The following FEZF1 variants were observed in gnomAD, a reference collection of about 807,000 sequenced individuals.
The protein encoded by FEZF1 is FEZ family zinc finger 1.
Under a neutral mutation model 32.4 loss-of-function variants are expected in FEZF1, and 8 were observed. That is an observed-to-expected ratio of 0.25 (90% CI 0.15 to 0.45). The LOEUF (loss-of-function observed/expected upper bound fraction) is 0.45, where lower values mean the gene tolerates loss of function less well. Ranked by LOEUF, FEZF1 falls within the 20% of genes least tolerant of loss-of-function variation. FEZF1 has a pLI of 1.00. For missense variants in FEZF1, 546 were observed against 622.3 expected (o/e 0.88, Z 1.31); for synonymous variants, 259 against 265.2 (o/e 0.98, Z 0.23).
rs989543331 is a variant in FEZF1, at chr7:122,304,355, G to T, written c.83C>A (p.Pro28His). ...ARGNMMSTSK[P>H]LAFSIERIMA... is the part of the protein sequence containing the mutation. Reference sequence around the variant, plus strand: ...GATTCGTTCAATGGAGAAAGCCAAGGGTTTGGACGTGCTCATCATGTTGCC... The same window carrying T: ...GATTCGTTCAATGGAGAAAGCCAAGTGTTTGGACGTGCTCATCATGTTGCC... Residue 28 changes from proline to histidine, a missense_variant, in exon 1 of 4, where the codon CCC becomes CAC. This residue lies in a region of FEZF1 where 345 missense variants were observed against 360.6 expected (regional missense o/e 0.96). Transcript: ENST00000442488. The T allele has an allele frequency of 4.4e-6, 7 of 1,608,930 alleles. No homozygotes were observed. The highest frequency in any genetic ancestry group is 5.9e-6 in the Non-Finnish European group (7 of 1,176,724).
Position 122,304,519 on chromosome 7 carries a change from G to T in FEZF1, c.-82C>A, listed in dbSNP as rs549586930. ...TCCCTGCTTGTCACAGACCTGCGGA[G>T]AGGGGGACGGGCACCATCACCACCA... On this transcript the variant is annotated 5_prime_UTR_variant, in exon 1 of 4. Transcript: ENST00000442488. 1.6e-6 allele frequency: 2 copies of T among 1,241,436 alleles called. No homozygotes were observed. The allele number at this position is 1,241,436 out of a possible 1,614,324, so 76.9% of individuals were successfully genotyped here. A position where few individuals can be genotyped will look rare whatever the true frequency, so the allele number is the denominator to read the frequency against.
At position 122,304,231 on chromosome 7, in the gene FEZF1, C is replaced by T; in HGVS notation, c.207G>A (p.Ser69=). The T allele has an allele frequency of 6.3e-7, 1 of 1,596,804 alleles. No individual in the cohort carries two copies. Among genetic ancestry groups the T allele is most frequent in the Non-Finnish European group, 8.6e-7 (1 of 1,169,412 alleles). ...GEPKHSLHLN[S]SIPCMIPFVP... ...CGAAGGGGATCATGCAGGGGATCGA[C>T]GAGTTGAGATGCAGAGAGTGCTTGG... The change falls in exon 1 of 4, where the codon TCG becomes TCA. Residue 69 remains serine, a synonymous_variant. Coordinates refer to ENST00000442488, the MANE Select transcript of FEZF1 (RefSeq NM_001024613.4).
chr7:122,304,153 C>A lies in FEZF1; in HGVS notation c.285G>T (p.Pro95=). 3 of 1,602,078 alleles carry A rather than the reference C, an allele frequency of 1.9e-6. No individual in the cohort carries two copies. The highest frequency in any genetic ancestry group is 2.6e-6 in the Non-Finnish European group (3 of 1,172,894). The change falls in exon 1 of 4, where the codon CCG becomes CCT. Residue 95 remains proline, a synonymous_variant. Coordinates refer to ENST00000442488, the MANE Select transcript of FEZF1 (RefSeq NM_001024613.4). ...CCGGGGCCTCCAGACTGGCCTTCCG[C>A]GGCTCGGAGCCCGTCACTCCTGCCT... ...SPKAGVTGSE[P]RKASLEAPAA...
chr7:122,303,255 T>C lies in FEZF1; in HGVS notation c.858A>G (p.Arg286=). ...TRHMPVHTGA[R]PFVCKVCGKG... The stretch of plus-strand genomic sequence containing the variant: ...TTCCGCACACTTTGCAAACGAAGGG[T>C]CTGGCTCCTGTGTGCACTGGCATGT... The change falls in exon 2 of 4, where the codon AGA becomes AGG. Residue 286 remains arginine, a synonymous_variant. Transcript: ENST00000442488. 6.2e-7 allele frequency: 1 copy of C among 1,614,116 alleles called. No individual in the cohort carries two copies. Among genetic ancestry groups the C allele is most frequent in the Non-Finnish European group, 8.5e-7 (1 of 1,180,028 alleles).
rs771299112 is a variant in FEZF1, at chr7:122,302,036, C to T, written c.1389G>A (p.Pro463=). 11 of 1,601,312 alleles carry T rather than the reference C, an allele frequency of 6.9e-6. No individual in the cohort carries two copies. The highest frequency in any genetic ancestry group is 1.1e-5 in the South Asian group (1 of 90,906). ...LPPLQPPLPT[P]GPLQPGLHQG... is the part of the protein sequence containing the mutation. ...GGTGGAGCCCGGGCTGCAGGGGCCC[C>T]GGGGTTGGCAGCGGCGGCTGCAGAG... The change falls in exon 4 of 4, where the codon CCG becomes CCA. Residue 463 remains proline, a synonymous_variant. Transcript: ENST00000442488. The surrounding 1 kb of genome is among the most constrained non-coding windows in gnomAD (Gnocchi z 4.4).
upstream of FEZF1, chr7:122,306,823 G>C (rs1305109660): frequency 6.6e-6 from 1 of 152,386 alleles, no homozygotes; most frequent in Non-Finnish European, 1.5e-5. Context: ...GCCTCGAGGT[G>C]GCTTCAGGCT....
rs1319621421 is a variant in FEZF1, at chr7:122,304,036, G to A, written c.402C>T (p.Asp134=). 7 of 1,559,674 alleles carry A rather than the reference G, an allele frequency of 4.5e-6. No individual in the cohort carries two copies. Among genetic ancestry groups the A allele is most frequent in the Non-Finnish European group, 6.1e-6 (7 of 1,154,148 alleles). ...ALSLKGDLAR[D]ALPLQQYKLV... is the part of the protein sequence containing the mutation. ...GCTTGTACTGCTGCAGCGGCAGCGC[G>A]TCGCGGGCCAGGTCGCCCTTGAGAC... Residue 134 remains aspartate (D), a synonymous_variant, in exon 1 of 4, where the codon GAC becomes GAT. Coordinates refer to ENST00000442488, the MANE Select transcript of FEZF1 (RefSeq NM_001024613.4).
In FEZF1 at chr7:122,302,340, T is replaced by C; in HGVS notation, c.1085A>G (p.His362Arg). 6.2e-7 allele frequency: 1 copy of C among 1,613,938 alleles called. No individual in the cohort carries two copies. The highest frequency in any genetic ancestry group is 8.5e-7 in the Non-Finnish European group (1 of 1,179,976). The change falls in exon 4 of 4, where the codon CAC becomes CGC. Residue 362 changes from histidine to arginine, a missense_variant. Physicochemically the swap from His to Arg is conservative, Grantham distance 29. This residue lies in a region of FEZF1 where 118 missense variants were observed against 188.7 expected (regional missense o/e 0.63). Transcript: ENST00000442488. The surrounding 1 kb of genome is among the most constrained non-coding windows in gnomAD (Gnocchi z 4.4). Reference sequence around the variant, plus strand: ...CTTCTCCCCGCTGTGGGTCAACTTGTGGTTTTTGTAATTCCCTGAAACACA... The same window carrying C: ...CTTCTCCCCGCTGTGGGTCAACTTGCGGTTTTTGTAATTCCCTGAAACACA... ...GFHQKGNYKN[H>R]KLTHSGEKQF... is the part of the protein sequence containing the mutation.
rs966589938 is a variant in FEZF1, at chr7:122,302,502, C to T, written c.1070-147G>A. ...TGCAGGGCTACTATCTGTGCCTGCA[C>T]TTGTCTCCCCAAGTTTATTTTCAAG... On this transcript the variant is annotated intron_variant, in intron 3 of 3. Coordinates refer to ENST00000442488, the MANE Select transcript of FEZF1 (RefSeq NM_001024613.4). The surrounding 1 kb of genome is among the most constrained non-coding windows in gnomAD (Gnocchi z 4.4). 7.9e-6 allele frequency: 10 copies of T among 1,268,446 alleles called. No individual in the cohort carries two copies. The highest frequency in any genetic ancestry group is 1.1e-5 in the Non-Finnish European group (10 of 928,936). 78.6% of individuals were successfully genotyped at this position (1,268,446 alleles called of 1,614,324 possible).
chr7:122,308,874 C>A (rs766760264), upstream of FEZF1, among the ~76,000 whole-genome samples: 1 of 151,884 alleles, frequency 6.6e-6, no homozygotes, highest in Non-Finnish European at 1.5e-5. Flanking sequence ...CCCACCCCAG[C>A]CTTGACATTC....
chr7:122,304,274 G>C lies in FEZF1; in HGVS notation c.164C>G (p.Ala55Gly), dbSNP rs376162528. The C allele has an allele frequency of 1.6e-5, 25 of 1,610,592 alleles. No homozygotes were observed. The highest frequency in any genetic ancestry group is 2.1e-5 in the Non-Finnish European group (25 of 1,178,084). ...GTGCTTGGGTTCCCCCTTGGGTAAG[G>C]CTCCCTGCAGGAAGTGGGGGACTGG... The part of the protein sequence containing the change: ...ALPVPHFLQG[A>G]LPKGEPKHSL... The change falls in exon 1 of 4, where the codon GCC becomes GGC. Residue 55 changes from alanine (A) to glycine (G), a missense_variant. Coordinates refer to ENST00000442488, the MANE Select transcript of FEZF1 (RefSeq NM_001024613.4).
chr7:122,304,525 G>T lies in FEZF1; in HGVS notation c.-88C>A. On this transcript the variant is annotated 5_prime_UTR_variant, in exon 1 of 4. Transcript: ENST00000442488. Reference sequence around the variant, plus strand: ...CTTGTCACAGACCTGCGGAGAGGGGGACGGGCACCATCACCACCAGTAGCC... The same window carrying T: ...CTTGTCACAGACCTGCGGAGAGGGGTACGGGCACCATCACCACCAGTAGCC... The T allele has an allele frequency of 2.6e-6, 3 of 1,175,772 alleles. No homozygotes were observed. Among genetic ancestry groups the T allele is most frequent in the Non-Finnish European group, 3.5e-6 (3 of 855,880 alleles). 72.8% of individuals were successfully genotyped at this position (1,175,772 alleles called of 1,614,324 possible). A position where few individuals can be genotyped will look rare whatever the true frequency, so the allele number is the denominator to read the frequency against.
At chr7:122,306,718 T>C (rs1177895419), upstream of FEZF1, 2 of 151,988 alleles carry the variant, frequency 1.3e-5, no homozygotes, top group African/African-American at 4.8e-5. Flanking sequence ...TGAGTCTTAT[T>C]GGAAGTTGAG....
chr7:122,307,418 A>C (rs1416554537), upstream of FEZF1: 1 of 152,394 alleles, frequency 6.6e-6, no homozygotes, highest in African/African-American at 2.4e-5. Context: ...GCTGACTTGT[A>C]CACAATTCGC....
Position 122,303,946 on chromosome 7 carries a change from G to C in FEZF1, c.492C>G (p.Asn164Lys). 6.2e-7 allele frequency: 1 copy of C among 1,605,374 alleles called. No individual in the cohort carries two copies. The highest frequency in any genetic ancestry group is 8.5e-7 in the Non-Finnish European group (1 of 1,175,724). ...CCGGGTGGCATGGGCCGTCACCTCG[G>C]TTCAGGTAGCACAAGGCGCCCATGG... ...FHAMGALCYL[N>K]RGDGPCHPAA... Residue 164 changes from asparagine (N) to lysine (K), a missense_variant, in exon 1 of 4, where the codon AAC becomes AAG. Transcript: ENST00000442488.
At chr7:122,306,011 A>G (rs1262693514), upstream of FEZF1, 1 of 152,278 alleles carries the variant, frequency 6.6e-6, no homozygotes, top group African/African-American at 2.4e-5. Flanking sequence ...CGCCCAGGCA[A>G]GAGCGTCCAG....
At position 122,302,425 on chromosome 7, in the gene FEZF1, G is replaced by T; in HGVS notation, c.1070-70C>A. 1 of 1,591,802 alleles carries T rather than the reference G, an allele frequency of 6.3e-7. No homozygotes were observed. The highest frequency in any genetic ancestry group is 1.1e-5 in the South Asian group (1 of 88,580). ...AGCTTAAAAAGGGAGGAGCAGACAC[G>T]TGGAAGGTAGCGCCAGGCAAGCAGA... On this transcript the variant is annotated intron_variant, in intron 3 of 3. Coordinates refer to ENST00000442488, the MANE Select transcript of FEZF1 (RefSeq NM_001024613.4). The surrounding 1 kb of genome is among the most constrained non-coding windows in gnomAD (Gnocchi z 4.4).
upstream of FEZF1, chr7:122,306,565 G>C (rs989250880): frequency 1.3e-5 from 2 of 152,250 alleles, no homozygotes; most frequent in African/African-American, 4.8e-5. Flanking sequence ...GCGAAAATCA[G>C]TTCCGCCTCT....
chr7:122,307,677 A>G (rs2031322320), upstream of FEZF1, among the ~76,000 whole-genome samples: 1 of 152,290 alleles, frequency 6.6e-6, no homozygotes, highest in Admixed American at 6.5e-5. Context: ...TAGTCTTTTC[A>G]GGATTTGCCC....
Sources: gnomAD v4.1 joint callset for allele counts (sites outside exome capture counted in the v4.1 genomes callset) on GRCh38, gnomAD v4.1.1 for gene constraint, gnomAD v4.1.1 regional missense constraint, Gnocchi (gnomAD v3.1) non-coding constraint, MANE v1.5 for transcripts, NCBI Gene and HGNC (gene_info 2026-07-23, HGNC 2026-07-21) for gene names.